Variants in TENM2 observed in about 807,000 individuals in gnomAD.
The protein encoded by TENM2 is teneurin-2.
In TENM2, 52 loss-of-function variants were observed where a neutral mutation model predicts 245.2. The observed-to-expected ratio is 0.21, with a 90% CI of 0.17 to 0.27. The LOEUF (loss-of-function observed/expected upper bound fraction) is 0.27. Among genes scored for constraint, TENM2 ranks in the 10% least tolerant of loss-of-function variants. The pLI is 1.00. For synonymous variants in TENM2, 1,363 were observed against 1,438.9 expected (o/e 0.95, Z 1.19); for missense variants, 3,046 against 3,666.8 (o/e 0.83, Z 4.37).
rs191313472 is a variant in TENM2 at position 167,705,002 on chromosome 5, T to C, written c.503-170984T>C. 2.6e-5 allele frequency among the ~76,000 whole-genome samples: 4 copies of C among 152,298 alleles called. No homozygotes were observed. The East Asian group carries it at 7.7e-4, about 29-fold the overall frequency. ...ATTATTGACAGTGGAGATTGAATAC[T>C]TTGAAGTTGGTAAAAGTCACCATCA... On this transcript the variant is annotated intron_variant, in intron 2 of 28. Coordinates refer to ENST00000518659, the Ensembl canonical transcript of TENM2.
chr5:167,865,669 C>T (rs1727118883), intron 2 of TENM2, among the ~76,000 whole-genome samples: 1 of 152,164 alleles, frequency 6.6e-6, no homozygotes, highest in African/African-American at 2.4e-5. Context: ...CCTTGCTTCT[C>T]TTGGAGACTG....
chr5:168,202,700 G>T (rs1452845952), intron 17 of TENM2, among the ~76,000 whole-genome samples: 1 of 151,708 alleles, frequency 6.6e-6, no homozygotes, highest in Non-Finnish European at 1.5e-5. Context: ...GACAAGCTAG[G>T]AAATACATAG....
At chr5:167,145,119 C>T in the TENM2 span, among the ~76,000 whole-genome samples, 1 of 152,188 alleles carries the variant, frequency 6.6e-6, no homozygotes, top group Non-Finnish European at 1.5e-5. Flanking sequence ...ACTGAGCACA[C>T]CTGAATACTC....
intron 4 of TENM2, among the ~76,000 whole-genome samples, chr5:167,970,403 T>TAA (rs1554162602): frequency 3.9e-5 from 6 of 152,198 alleles, no homozygotes; most frequent in Non-Finnish European, 8.8e-5. Context: ...AACATGCTCA[T>TAA]TTATTGTCTT....
At chr5:168,197,209 A>G (rs957469465) in intron 15 of TENM2, among the ~76,000 whole-genome samples, 2 of 152,234 alleles carry the variant, frequency 1.3e-5, no homozygotes, top group Non-Finnish European at 2.9e-5. Context: ...TGTACTGTAC[A>G]TGCTCTGATA....
chr5:168,089,109 C>T (rs1230958699), intron 7 of TENM2, among the ~76,000 whole-genome samples: 1 of 152,116 alleles, frequency 6.6e-6, no homozygotes, highest in Non-Finnish European at 1.5e-5. Flanking sequence ...GGGGTTTTAT[C>T]GATTTTCTTG....
chr5:167,335,789 A>T (rs554239367), intron 1 of TENM2, among the ~76,000 whole-genome samples: 1 of 152,278 alleles, frequency 6.6e-6, no homozygotes, highest in East Asian at 1.9e-4. Flanking sequence ...TGCTGGTATA[A>T]TGCTAGTGTT....
intron 2 of TENM2, among the ~76,000 whole-genome samples, chr5:167,635,403 T>C (rs1779128296): frequency 6.6e-6 from 1 of 152,032 alleles, no homozygotes; most frequent in South Asian, 2.1e-4. Flanking sequence ...TTTCTTTTCT[T>C]TTTTATTCTT....
chr5:167,555,188 G>A (rs765728626), intron 2 of TENM2, among the ~76,000 whole-genome samples: 7 of 152,082 alleles, frequency 4.6e-5, no homozygotes, highest in Admixed American at 1.3e-4. Context: ...TACTTTCTCA[G>A]ATCTACCTAA....
At chr5:168,146,140 A>C (rs1357170842) in intron 12 of TENM2, among the ~76,000 whole-genome samples, 2 of 151,604 alleles carry the variant, frequency 1.3e-5, no homozygotes, top group Admixed American at 6.6e-5. Context: ...GGACAATTTG[A>C]CTTCCTCTTT....
chr5:168,158,027 ATTC>A (rs1324910149), intron 12 of TENM2, among the ~76,000 whole-genome samples: 1 of 152,082 alleles, frequency 6.6e-6, no homozygotes, highest in Non-Finnish European at 1.5e-5. Flanking sequence ...GGTTCAAATG[ATTC>A]TTCAGCCTCA....
chr5:167,741,284 G>A (rs1761158060), intron 2 of TENM2, among the ~76,000 whole-genome samples: 1 of 152,096 alleles, frequency 6.6e-6, no homozygotes, highest in Non-Finnish European at 1.5e-5. Flanking sequence ...CCTTAACTGT[G>A]CCTGTCCCAG....
chr5:167,564,888 C>T (rs534507111), intron 2 of TENM2, among the ~76,000 whole-genome samples: 1 of 152,334 alleles, frequency 6.6e-6, no homozygotes, highest in South Asian at 2.1e-4. Context: ...TTGGCCAAAG[C>T]AAGTCATGGC....
intron 4 of TENM2, among the ~76,000 whole-genome samples, chr5:167,984,514 G>T (rs1783084551): frequency 6.6e-6 from 1 of 152,140 alleles, no homozygotes; most frequent in Non-Finnish European, 1.5e-5. Flanking sequence ...AAATTAGCCT[G>T]GCGTGGTGGC....
At chr5:167,420,711 T>C (rs1763455048) in intron 2 of TENM2, among the ~76,000 whole-genome samples, 2 of 152,198 alleles carry the variant, frequency 1.3e-5, no homozygotes, top group South Asian at 4.1e-4. Context: ...TGTTTTATCA[T>C]GATACCTCGT....
At chr5:167,217,713 GAT>G in the TENM2 span, among the ~76,000 whole-genome samples, 21,033 of 140,854 alleles carry the variant, frequency 0.15, 1,613 homozygotes, top group African/African-American at 0.2. Flanking sequence ...TGTAATGAGT[GAT>G]ATATATATAT....
At chr5:167,932,905 CT>C (rs1192160013) in intron 3 of TENM2, among the ~76,000 whole-genome samples, 3 of 152,142 alleles carry the variant, frequency 2.0e-5, no homozygotes, top group African/African-American at 7.2e-5. Flanking sequence ...CCATAGCAGC[CT>C]ACATGTTGTA....
chr5:168,187,588 A>C (rs1422409121), intron 13 of TENM2: 3 of 152,200 alleles, frequency 2.0e-5, no homozygotes, highest in Non-Finnish European at 2.9e-5. Context: ...AGCATATCTC[A>C]GCAGGTTATT....
At chr5:167,034,020 A>G in the TENM2 span, among the ~76,000 whole-genome samples, 4 of 152,216 alleles carry the variant, frequency 2.6e-5, no homozygotes, top group African/African-American at 9.6e-5. Flanking sequence ...ATATAAGAAG[A>G]AAATCTTTTG....
Sources: allele counts gnomAD v4.1 joint callset (sites outside exome capture counted in the v4.1 genomes callset), GRCh38; gene constraint gnomAD v4.1.1; transcripts MANE v1.5; gene names NCBI Gene and HGNC (gene_info 2026-07-23, HGNC 2026-07-21).